TNS1: variants seen among roughly 807,000 people sequenced by gnomAD.
TNS1 encodes tensin 1.
Under a neutral mutation model 168.6 loss-of-function variants are expected in TNS1, and 62 were observed. That is an observed-to-expected ratio of 0.37 (90% CI 0.30 to 0.45). The LOEUF is 0.45. Among genes scored for constraint, TNS1 ranks in the 20% least tolerant of loss-of-function variants. TNS1 has a pLI of 1.00. For missense variants in TNS1, 2,240 were observed against 2,339.4 expected, an observed-to-expected ratio of 0.96 and a Z score of 0.88; for synonymous variants, 934 against 933.2, an observed-to-expected ratio of 1.00 and a Z score of -0.02.
chr2:217,946,994 C>CACACACACAG (rs1447178928), intron 3 of TNS1, among the ~76,000 whole-genome samples: 18 of 151,120 alleles, frequency 1.2e-4, no homozygotes, highest in African/African-American at 4.4e-4. Flanking sequence ...CACACACACA[C>CACACACACAG]AGTAAAAACT....
intron 30 of TNS1, among the ~76,000 whole-genome samples, chr2:217,809,220 G>GTGC (rs1559139435): frequency 1.4e-5 from 1 of 69,640 alleles, no homozygotes; most frequent in African/African-American, 6.9e-5. Context: ...TGGATGCATG[G>GTGC]ATGGATGGAT....
At position 217,900,018 on chromosome 2, in the gene TNS1, C is replaced by T. The variant is rs1952774581; in HGVS notation, c.371+445G>A. Among the ~76,000 whole-genome samples the T allele has an allele frequency of 3.9e-5, 6 of 152,136 alleles. No individual in the cohort carries two copies. The South Asian group carries it at 8.3e-4, about 21-fold the overall frequency. On this transcript the variant is annotated intron_variant, in intron 7 of 32. Coordinates refer to ENST00000682258, the MANE Select transcript of TNS1 (RefSeq NM_001387777.1). ...CAGCCCAGCCAGATAGGGAACTTCC[C>T]TTTCATAAATGACTCTGCCCAGTCA...
intron 3 of TNS1, among the ~76,000 whole-genome samples, chr2:217,927,919 G>A (rs368250554): frequency 5.3e-5 from 8 of 152,312 alleles, no homozygotes; most frequent in African/African-American, 1.9e-4. Context: ...AATAATCCCA[G>A]AAGGCCCCAG....
At position 217,890,987 on chromosome 2, in the gene TNS1, G is replaced by C. The variant is rs764494567; in HGVS notation, c.841C>G (p.Pro281Ala). 3.1e-6 allele frequency: 5 copies of C among 1,614,216 alleles called. No homozygotes were observed. The highest frequency in any genetic ancestry group is 2.2e-5 in the South Asian group (2 of 91,084). Reference protein sequence around the residue: ...MKRFYEDKIVPIGQPSQRRYV... With the variant: ...MKRFYEDKIVAIGQPSQRRYV... ...CTTCTTTGGGATGGCTGGCCAATGG[G>C]CACAATCTTATCCTCATAGAACCGC... The change falls in exon 12 of 33, where the codon CCC becomes GCC. Residue 281 changes from proline (P) to alanine (A), a missense_variant. Around this residue, in one of 2 missense-constraint regions of TNS1, gnomAD observed 2,131 missense variants for 2,171.2 expected, o/e 0.98. Transcript: ENST00000682258.
intron 22 of TNS1, among the ~76,000 whole-genome samples, chr2:217,830,174 G>A (rs768047834): frequency 6.6e-6 from 1 of 152,162 alleles, no homozygotes; most frequent in African/African-American, 2.4e-5. Context: ...TGAGCCCCTC[G>A]CAGCCCCTGT....
At position 217,848,149 on chromosome 2, in the gene TNS1, G is replaced by T. The variant is rs775007214; in HGVS notation, c.2368C>A (p.Arg790Ser). The T allele has an allele frequency of 2.0e-5, 32 of 1,601,656 alleles. No individual in the cohort carries two copies. Among genetic ancestry groups the T allele is most frequent in the Middle Eastern group, 1.7e-4 (1 of 5,988 alleles). Residue 790 changes from arginine (R) to serine (S), a missense_variant, in exon 19 of 33, where the codon CGC becomes AGC. Physicochemically the swap from Arg to Ser is moderately radical, Grantham distance 110 (BLOSUM62 -1). This residue lies in a region of TNS1 where 2,131 missense variants were observed against 2,171.2 expected (regional missense o/e 0.98). Coordinates refer to ENST00000682258, the MANE Select transcript of TNS1 (RefSeq NM_001387777.1). Reference protein sequence around the residue: ...QQQQQPRPPPRQQERAHLESL... With the variant: ...QQQQQPRPPPSQQERAHLESL... The stretch of plus-strand genomic sequence containing the variant: ...TCCAAGTGGGCTCTTTCCTGCTGGC[G>T]TGGAGGTGGGCGAGGCTGCTGCTGC...
chr2:217,914,055 A>G (rs1390773067), intron 4 of TNS1, among the ~76,000 whole-genome samples: 1 of 144,386 alleles, frequency 6.9e-6, no homozygotes, highest in Non-Finnish European at 1.5e-5. Context: ...CAGCCCTGCT[A>G]CCTTCCAAAA....
At chr2:217,963,572 C>T (rs985932813) in intron 3 of TNS1, among the ~76,000 whole-genome samples, 2 of 152,094 alleles carry the variant, frequency 1.3e-5, no homozygotes, top group Non-Finnish European at 2.9e-5. Flanking sequence ...GGAAACAAAT[C>T]GGCTCTAATG....
In TNS1 at chr2:217,995,453, A is replaced by T. The variant is rs927398351; in HGVS notation, c.34-4397T>A. Among the ~76,000 whole-genome samples the T allele has an allele frequency of 1.3e-5, 2 of 152,126 alleles. No individual in the cohort carries two copies. The highest frequency in any genetic ancestry group is 2.9e-5 in the Non-Finnish European group (2 of 68,018). On this transcript the variant is annotated intron_variant, in intron 1 of 32. Transcript: ENST00000682258. The surrounding 1 kb of genome is among the most constrained non-coding windows in gnomAD (Gnocchi z 4.1). The stretch of plus-strand genomic sequence containing the variant: ...AATGAGACTCAGTGGGGAAAAAAAA[A>T]ACTTAACAATCAGATGCAAAAATAT...
chr2:217,841,889 C>T (rs1946019348), intron 19 of TNS1, among the ~76,000 whole-genome samples: 1 of 152,146 alleles, frequency 6.6e-6, no homozygotes, highest in Non-Finnish European at 1.5e-5. Context: ...TGGTCATCAC[C>T]AGAAAAGTCC....
chr2:217,952,474 A>T (rs1219341410), intron 3 of TNS1, among the ~76,000 whole-genome samples: 1 of 152,118 alleles, frequency 6.6e-6, no homozygotes, highest in Non-Finnish European at 1.5e-5. Flanking sequence ...CGCGCCACAC[A>T]CACACACACA....
intron 19 of TNS1, among the ~76,000 whole-genome samples, chr2:217,838,742 C>T (rs1005863320): frequency 1.3e-5 from 2 of 152,348 alleles, no homozygotes; most frequent in Admixed American, 6.5e-5. Flanking sequence ...TGTTCCCTCT[C>T]TCTTGTCTTG....
chr2:217,928,241 G>A (rs80283783), intron 3 of TNS1, among the ~76,000 whole-genome samples: 3,350 of 152,330 alleles, frequency 0.022, 129 homozygotes, highest in African/African-American at 0.075. Flanking sequence ...GGTCTCAAGG[G>A]TCCCAGCACA....
rs957189778 is a variant in TNS1 at position 217,801,212 on chromosome 2, C to T, written c.*3247G>A. 6.6e-6 allele frequency: 1 copy of T among 152,260 alleles called. No individual in the cohort carries two copies. Among genetic ancestry groups the T allele is most frequent in the Non-Finnish European group, 1.5e-5 (1 of 68,070 alleles). The allele number at this position is 152,260 out of a possible 1,614,324, so 9.4% of individuals were successfully genotyped here. A position where few individuals can be genotyped will look rare whatever the true frequency, so the allele number is the denominator to read the frequency against. Reference sequence around the variant, plus strand: ...TGGCTAAATAAGAGAGCCAGAACACCGTGATAGCAGGCTGATCAAACCGCT... The same window carrying T: ...TGGCTAAATAAGAGAGCCAGAACACTGTGATAGCAGGCTGATCAAACCGCT... On this transcript the variant is annotated 3_prime_UTR_variant, in exon 33 of 33. Coordinates refer to ENST00000682258, the MANE Select transcript of TNS1 (RefSeq NM_001387777.1).
intron 1 of TNS1, among the ~76,000 whole-genome samples, chr2:218,000,774 G>T (rs536137379): frequency 1.8e-4 from 27 of 152,158 alleles, no homozygotes; most frequent in Non-Finnish European, 4.0e-4. Flanking sequence ...CTGGCCATGG[G>T]CATCACAGCC....
chr2:217,964,489 T>A (rs1957574884), intron 3 of TNS1, among the ~76,000 whole-genome samples: 1 of 152,240 alleles, frequency 6.6e-6, no homozygotes, highest in Admixed American at 6.5e-5. Flanking sequence ...GTGAGCGCAC[T>A]GCTCAATCAT....
intron 1 of TNS1, among the ~76,000 whole-genome samples, chr2:218,017,182 A>G (rs1401790380): frequency 1.3e-5 from 2 of 152,194 alleles, no homozygotes; most frequent in African/African-American, 4.8e-5. Context: ...ACCCTGGCCA[A>G]GGATCTCATG....
At chr2:218,015,796 G>A (rs961889789) in intron 1 of TNS1, among the ~76,000 whole-genome samples, 2 of 152,130 alleles carry the variant, frequency 1.3e-5, no homozygotes, top group Non-Finnish European at 2.9e-5. Context: ...ATCGATCCAT[G>A]GGGATCCCAC....
intron 28 of TNS1, among the ~76,000 whole-genome samples, chr2:217,812,017 C>G (rs573631043): frequency 7.9e-5 from 12 of 152,250 alleles, no homozygotes; most frequent in Admixed American, 3.3e-4. Flanking sequence ...CACTCTCTTC[C>G]CCAGATGCCC....
Sources: allele counts gnomAD v4.1 joint callset (sites outside exome capture counted in the v4.1 genomes callset), GRCh38; gene constraint gnomAD v4.1.1; regional missense constraint gnomAD v4.1.1; non-coding constraint Gnocchi (gnomAD v3.1); transcripts MANE v1.5; gene names NCBI Gene and HGNC (gene_info 2026-07-23, HGNC 2026-07-21).